Variants in ITGA9 observed in about 807,000 individuals in gnomAD.
The protein encoded by ITGA9 is integrin subunit alpha 9.
A neutral mutation model predicts 127.8 loss-of-function variants in ITGA9; 56 were observed. The ratio of observed to expected loss-of-function variants is 0.44; its 90% CI spans 0.35 to 0.55. The LOEUF is 0.55. Ranked by LOEUF, ITGA9 falls within the 20% of genes least tolerant of loss-of-function variation. The pLI, the probability that ITGA9 is intolerant of heterozygous loss-of-function variation, is 0.00. For synonymous variants in ITGA9, 508 were observed against 514.5 expected (o/e 0.99, Z 0.17); for missense variants, 1,196 against 1,347.1 (o/e 0.89, Z 1.76).
intron 25 of ITGA9, among the ~76,000 whole-genome samples, chr3:37,783,864 C>G (rs1245236324): frequency 6.6e-6 from 1 of 152,146 alleles, no homozygotes; most frequent in Admixed American, 6.5e-5. Context: ...TGCATAACTC[C>G]CAAGTCACAT....
intron 17 of ITGA9, among the ~76,000 whole-genome samples, chr3:37,680,987 A>G (rs1700729356): frequency 6.6e-6 from 1 of 152,200 alleles, no homozygotes; most frequent in African/African-American, 2.4e-5. Context: ...AAGCAAGGCC[A>G]TCATATTTCT....
At chr3:37,811,181 G>A (rs1697364549) in intron 27 of ITGA9, among the ~76,000 whole-genome samples, 1 of 152,158 alleles carries the variant, frequency 6.6e-6, no homozygotes, top group Non-Finnish European at 1.5e-5. Flanking sequence ...TTATGTGCGA[G>A]GATTACAGTA....
In ITGA9 at chr3:37,542,520, G is replaced by A. The variant is rs372765459; in HGVS notation, c.1624G>A (p.Val542Ile). The change falls in exon 15 of 28, where the codon GTC becomes ATC. Residue 542 changes from valine to isoleucine, a missense_variant. Physicochemically the swap from Val to Ile is conservative, Grantham distance 29 (BLOSUM62 3). Transcript: ENST00000264741. ...GCTGCTGGGAGAGACCATGGGTCAG[G>A]TCACAGAGAAGCTGCAGCTGACTTA... ...FVLLGETMGQVTEKLQLTYME... is the reference protein window; with the variant it reads ...FVLLGETMGQITEKLQLTYME... The A allele has an allele frequency of 1.8e-5, 29 of 1,614,038 alleles. No individual in the cohort carries two copies. Among genetic ancestry groups the A allele is most frequent in the Non-Finnish European group, 2.4e-5 (28 of 1,180,040 alleles).
intron 15 of ITGA9, among the ~76,000 whole-genome samples, chr3:37,593,087 C>G (rs1699835950): frequency 6.6e-6 from 1 of 152,168 alleles, no homozygotes; most frequent in Non-Finnish European, 1.5e-5. Flanking sequence ...AAAAAAGGTA[C>G]AGTTGTTTCT....
intron 15 of ITGA9, among the ~76,000 whole-genome samples, chr3:37,619,221 T>C (rs1056929142): frequency 2.0e-5 from 3 of 152,224 alleles, no homozygotes; most frequent in East Asian, 1.9e-4. Context: ...ACTACTGATA[T>C]GGATCTGCCT....
intron 8 of ITGA9, among the ~76,000 whole-genome samples, chr3:37,511,326 A>G (rs1354796636): frequency 6.6e-6 from 1 of 152,214 alleles, no homozygotes; most frequent in African/African-American, 2.4e-5. Flanking sequence ...TTCCAGGCTG[A>G]TGGGGAGCTC....
At chr3:37,590,757 T>A (rs570071260) in intron 15 of ITGA9, among the ~76,000 whole-genome samples, 1 of 151,600 alleles carries the variant, frequency 6.6e-6, no homozygotes, top group South Asian at 2.1e-4. Flanking sequence ...TAAGGCATGC[T>A]TTACCCCTGG....
chr3:37,718,702 C>T (rs1266337764), intron 18 of ITGA9, among the ~76,000 whole-genome samples: 2 of 152,186 alleles, frequency 1.3e-5, no homozygotes, highest in Non-Finnish European at 2.9e-5. Context: ...AATGCAGTTT[C>T]ACTTTTGAGG....
intron 15 of ITGA9, among the ~76,000 whole-genome samples, chr3:37,612,935 T>G (rs1249486595): frequency 6.6e-6 from 1 of 151,890 alleles, no homozygotes; most frequent in Non-Finnish European, 1.5e-5. Context: ...CCTTAAGACT[T>G]ATTTGTGGAG....
chr3:37,475,870 C>T (rs1469370213), intron 3 of ITGA9, among the ~76,000 whole-genome samples: 1 of 152,206 alleles, frequency 6.6e-6, no homozygotes, highest in East Asian at 1.9e-4. Context: ...CCTTTTTCTC[C>T]TTCCCGTGGT....
chr3:37,759,875 G>A (rs945195603), intron 23 of ITGA9, among the ~76,000 whole-genome samples: 3 of 150,332 alleles, frequency 2.0e-5, no homozygotes, highest in Admixed American at 1.3e-4. Context: ...CTGCACTCCA[G>A]CCTGAATGAC....
At chr3:37,498,991 C>A (rs116692768) in intron 5 of ITGA9, among the ~76,000 whole-genome samples, 3,795 of 152,316 alleles carry the variant, frequency 0.025, 81 homozygotes, top group Non-Finnish European at 0.039. Flanking sequence ...GGACATGGAT[C>A]TGTGGCCTTC....
chr3:37,468,139 G>A (rs1188951107), intron 1 of ITGA9, among the ~76,000 whole-genome samples: 1 of 152,050 alleles, frequency 6.6e-6, no homozygotes, highest in African/African-American at 2.4e-5. Context: ...GCTTCTGCTT[G>A]GGAATTCTGC....
intron 15 of ITGA9, among the ~76,000 whole-genome samples, chr3:37,590,338 T>C (rs886241335): frequency 2.0e-5 from 3 of 152,068 alleles, no homozygotes; most frequent in African/African-American, 7.2e-5. Flanking sequence ...GACAGGAAGA[T>C]GAGAGGAAGA....
chr3:37,508,690 A>C, intron 8 of ITGA9, 63 bp downstream of exon 8: 1 of 1,420,078 alleles, frequency 7.0e-7, no homozygotes, highest in Non-Finnish European at 1.0e-6. Flanking sequence ...GGGAGTCAGT[A>C]CTTTTTAGAA....
intron 17 of ITGA9, among the ~76,000 whole-genome samples, chr3:37,678,789 G>A (rs1700706914): frequency 6.6e-6 from 1 of 152,180 alleles, no homozygotes; most frequent in Admixed American, 6.5e-5. Flanking sequence ...ATATGTGGTT[G>A]ATATGGAAAT....
chr3:37,682,979 C>G (rs1211475217), intron 17 of ITGA9, among the ~76,000 whole-genome samples: 2 of 152,188 alleles, frequency 1.3e-5, no homozygotes, highest in African/African-American at 4.8e-5. Context: ...CACATCATAG[C>G]CAATGCGAGC....
At chr3:37,511,204 C>CA (rs1559524047) in intron 8 of ITGA9, among the ~76,000 whole-genome samples, 1 of 151,824 alleles carries the variant, frequency 6.6e-6, no homozygotes, top group Non-Finnish European at 1.5e-5. Context: ...CAAAACCAAA[C>CA]AAAAAAAACC....
At position 37,463,619 on chromosome 3, in the gene ITGA9, A is replaced by G. The variant is rs146193247; in HGVS notation, c.186-7388A>G. Reference sequence around the variant, plus strand: ...CCCCTCTGCCACATTCTTTTGGCCAATGTAAGTCACAGGTCCAGACTACAT... The same window carrying G: ...CCCCTCTGCCACATTCTTTTGGCCAGTGTAAGTCACAGGTCCAGACTACAT... On this transcript the variant is annotated intron_variant, in intron 1 of 27. Coordinates refer to ENST00000264741, the MANE Select transcript of ITGA9 (RefSeq NM_002207.3). 1.4e-4 allele frequency among the ~76,000 whole-genome samples: 22 copies of G among 152,318 alleles called. No homozygotes were observed. The East Asian group carries it at 1.9e-3, about 13-fold the overall frequency.
Sources: gnomAD v4.1 joint callset for allele counts (sites outside exome capture counted in the v4.1 genomes callset) on GRCh38, gnomAD v4.1.1 for gene constraint, MANE v1.5 for transcripts, NCBI Gene and HGNC (gene_info 2026-07-23, HGNC 2026-07-21) for gene names.